The following CACNA2D1 variants were observed in gnomAD, a reference collection of about 807,000 sequenced individuals.
CACNA2D1 encodes voltage-dependent calcium channel subunit alpha-2/delta-1.
CACNA2D1 carries 53 observed loss-of-function variants against 171.5 expected under a neutral mutation model. The ratio of observed to expected loss-of-function variants is 0.31; its 90% confidence interval spans 0.25 to 0.39. CACNA2D1 has a LOEUF of 0.39. Among genes scored for constraint, CACNA2D1 ranks in the 10% least tolerant of loss-of-function variants. The pLI, the probability that CACNA2D1 is intolerant of heterozygous loss-of-function variation, is 1.00. For synonymous variants in CACNA2D1, 442 were observed against 443.1 expected (o/e 1.00, Z 0.03); for missense variants, 903 against 1,299.8 (o/e 0.69, Z 4.69).
chr7:81,985,271 G>A (rs1796850103), intron 21 of CACNA2D1, among the ~76,000 whole-genome samples: 1 of 135,668 alleles, frequency 7.4e-6, no homozygotes, highest in Admixed American at 8.3e-5. Flanking sequence ...TTTCGATCAT[G>A]GCTCATCACA....
At position 81,949,451 on chromosome 7, in the gene CACNA2D1, A is replaced by T. The variant is rs1465917847; in HGVS notation, c.*941T>A. ...CTTTTCAATGACTACACTCTACAGT[A>T]AGAGAAAAAACAACTGAAAAGTTAA... On this transcript the variant is annotated 3_prime_UTR_variant, in exon 39 of 39. Transcript: ENST00000356860. The T allele has an allele frequency of 6.6e-6, 1 of 152,230 alleles. No homozygotes were observed. The highest frequency in any genetic ancestry group is 1.5e-5 in the Non-Finnish European group (1 of 67,988). The allele number at this position is 152,230 out of a possible 1,614,324, so 9.4% of individuals were successfully genotyped here.
intron 3 of CACNA2D1, among the ~76,000 whole-genome samples, chr7:82,243,638 G>A (rs1804577437): frequency 6.6e-6 from 1 of 152,056 alleles, no homozygotes; most frequent in Admixed American, 6.6e-5. Context: ...CCATGAACAA[G>A]GTGTTGTCAC....
intron 3 of CACNA2D1, among the ~76,000 whole-genome samples, chr7:82,248,845 C>T (rs1292577343): frequency 1.3e-5 from 2 of 151,442 alleles, no homozygotes; most frequent in Non-Finnish European, 2.9e-5. Flanking sequence ...CAGCTGGGCG[C>T]GGTGGCTCAC....
At chr7:82,025,134 T>C (rs1414965723) in intron 12 of CACNA2D1, among the ~76,000 whole-genome samples, 1 of 151,742 alleles carries the variant, frequency 6.6e-6, no homozygotes, top group East Asian at 1.9e-4. Context: ...TTGTGGTCTT[T>C]TGTAGTTTTA....
Position 82,369,116 on chromosome 7 carries a change from C to T in CACNA2D1, c.96-19467G>A, listed in dbSNP as rs189157880. On this transcript the variant is annotated intron_variant, in intron 1 of 38. Transcript: ENST00000356860. The stretch of plus-strand genomic sequence containing the variant: ...TTTAATAGTTTCTTCTCTGTAAATC[C>T]CTTTAGGATGCTATAAAATTTACAT... Among the ~76,000 whole-genome samples, 9 of 152,038 alleles carry T rather than the reference C, an allele frequency of 5.9e-5. No homozygotes were observed. The East Asian group carries it at 1.7e-3, about 29-fold the overall frequency.
intron 3 of CACNA2D1, among the ~76,000 whole-genome samples, chr7:82,331,634 T>G (rs1014486245): frequency 1.3e-5 from 2 of 152,212 alleles, no homozygotes; most frequent in African/African-American, 4.8e-5. Flanking sequence ...GCTTAAGATA[T>G]TCTACTGATC....
rs144370644 is a variant in CACNA2D1 at position 82,174,347 on chromosome 7, T to C, written c.295-3738A>G. Among the ~76,000 whole-genome samples the C allele has an allele frequency of 6.6e-5, 10 of 152,184 alleles. No homozygotes were observed. In the East Asian group the frequency reaches 1.9e-3, roughly 30 times the overall value. ...ATATTACGATATTCAGCAAGGTTTA[T>C]TAAATGGCTTTATTGTAACTGAGAT... On this transcript the variant is annotated intron_variant, in intron 3 of 38. Transcript: ENST00000356860.
chr7:81,965,636 A>G lies in CACNA2D1; in HGVS notation c.2532T>C (p.Gly844=), dbSNP rs1285071872. 7 of 1,597,108 alleles carry G rather than the reference A, an allele frequency of 4.4e-6. No homozygotes were observed. The highest frequency in any genetic ancestry group is 6.0e-6 in the Non-Finnish European group (7 of 1,165,264). ...CATGATTTGCCATCAGAAGAAACCC[A>G]CCATCATCCAGAATCACACAATCCA... is the stretch of plus-strand genomic sequence containing the variant. ...DVMDCVILDD[G]GFLLMANHDD... Residue 844 remains glycine (G), a synonymous_variant, in exon 32 of 39, where the codon GGT becomes GGC. Coordinates refer to ENST00000356860, the MANE Select transcript of CACNA2D1 (RefSeq NM_000722.4).
intron 1 of CACNA2D1, among the ~76,000 whole-genome samples, chr7:82,351,654 T>C (rs1205266050): frequency 6.6e-6 from 1 of 152,158 alleles, no homozygotes; most frequent in Non-Finnish European, 1.5e-5. Context: ...AAAATTGTTA[T>C]AATAACATTT....
intron 4 of CACNA2D1, among the ~76,000 whole-genome samples, chr7:82,169,029 A>C (rs1159994084): frequency 6.6e-6 from 1 of 152,082 alleles, no homozygotes; most frequent in East Asian, 1.9e-4. Flanking sequence ...CACTGCTTTT[A>C]CCATGCACGC....
chr7:82,129,258 T>A (rs1790683812), intron 5 of CACNA2D1, among the ~76,000 whole-genome samples: 2 of 152,218 alleles, frequency 1.3e-5, no homozygotes, highest in Non-Finnish European at 2.9e-5. Flanking sequence ...AATCTTTGTC[T>A]GAAACACTGC....
chr7:82,112,036 T>C (rs1788534689), intron 6 of CACNA2D1, among the ~76,000 whole-genome samples: 1 of 152,088 alleles, frequency 6.6e-6, no homozygotes, highest in Non-Finnish European at 1.5e-5. Context: ...AGATAATATT[T>C]CAGAAACAAA....
chr7:82,424,684 C>A (rs928302230), intron 1 of CACNA2D1, among the ~76,000 whole-genome samples: 4 of 152,180 alleles, frequency 2.6e-5, no homozygotes, highest in African/African-American at 9.7e-5. Flanking sequence ...AAAGAGAATT[C>A]TTCTTTGCAG....
chr7:82,314,187 T>C (rs1330715221), intron 3 of CACNA2D1, among the ~76,000 whole-genome samples: 1 of 152,188 alleles, frequency 6.6e-6, no homozygotes, highest in Non-Finnish European at 1.5e-5. Flanking sequence ...TACTTTGGTT[T>C]GCTTGATTTA....
intron 3 of CACNA2D1, among the ~76,000 whole-genome samples, chr7:82,191,301 C>A (rs1025268470): frequency 9.9e-5 from 15 of 151,874 alleles, no homozygotes; most frequent in African/African-American, 3.6e-4. Context: ...AGCATGCTTA[C>A]TTATTCAAAT....
intron 3 of CACNA2D1, among the ~76,000 whole-genome samples, chr7:82,192,460 TTGTGTGTGTGTG>T (rs200160135): frequency 0.056 from 7,674 of 136,656 alleles, 269 homozygotes; most frequent in East Asian, 0.071. Context: ...GTGTTTGTGT[TTGTGTGTGTGTG>T]TGTGTGTGTG....
chr7:82,060,211 A>ATAATATATATATT lies in CACNA2D1; in HGVS notation c.879+216_879+217insAATATATATATTA, dbSNP rs374742133. Among the ~76,000 whole-genome samples the ATAATATATATATT allele has an allele frequency of 4.1e-4, 13 of 31,364 alleles. 1 individual carries two copies. The highest frequency in any genetic ancestry group is 5.2e-4 in the African/African-American group (5 of 9,528). The allele number at this position is 31,364 out of a possible 152,430, so 20.6% of individuals were successfully genotyped here. Reference sequence around the variant, plus strand: ...TATATTATATATATATTATATATATAATATATATATAATATATATATATAA... The same window carrying ATAATATATATATT: ...TATATTATATATATATTATATATATATAATATATATATTATATATATATAATATATATATATAA... On this transcript the variant is annotated intron_variant, in intron 10 of 38. Transcript: ENST00000356860.
intron 6 of CACNA2D1, among the ~76,000 whole-genome samples, chr7:82,093,180 G>T (rs1458216343): frequency 1.3e-5 from 2 of 152,118 alleles, no homozygotes; most frequent in African/African-American, 4.8e-5. Flanking sequence ...TTGATCTTGG[G>T]AAAGTGTTTT....
At chr7:82,387,675 G>A (rs557493924) in intron 1 of CACNA2D1, among the ~76,000 whole-genome samples, 3 of 152,196 alleles carry the variant, frequency 2.0e-5, no homozygotes, top group Non-Finnish European at 2.9e-5. Flanking sequence ...GAGCACAATA[G>A]TAATAGTTGC....
Sources: gnomAD v4.1 joint callset for allele counts (sites outside exome capture counted in the v4.1 genomes callset) on GRCh38, gnomAD v4.1.1 for gene constraint, MANE v1.5 for transcripts, NCBI Gene and HGNC (gene_info 2026-07-23, HGNC 2026-07-21) for gene names.